CCM2: variants seen among roughly 807,000 people sequenced by gnomAD.
CCM2 encodes the protein cerebral cavernous malformations 2 protein.
Under a neutral mutation model 44.9 loss-of-function variants are expected in CCM2, and 25 were observed. That is an observed-to-expected ratio of 0.56 (90% CI 0.41 to 0.78). The LOEUF is 0.78. CCM2 is among the 30% of genes least tolerant of loss of function. The pLI, the probability that CCM2 is intolerant of heterozygous loss-of-function variation, is 0.00. For synonymous variants in CCM2, 219 were observed against 241.1 expected (o/e 0.91, Z 0.85); for missense variants, 481 against 580.6 (o/e 0.83, Z 1.76).
intron 1 of CCM2, among the ~76,000 whole-genome samples, chr7:45,034,647 T>C (rs1404978194): frequency 6.8e-6 from 1 of 147,268 alleles, no homozygotes; most frequent in East Asian, 2.1e-4. Flanking sequence ...GCCTCCCAAG[T>C]AGCTGGGATT....
Position 45,037,737 on chromosome 7 carries a change from C to G in CCM2, c.31-516C>G, listed in dbSNP as rs546424338. 1.9e-4 allele frequency among the ~76,000 whole-genome samples: 29 copies of G among 152,110 alleles called. No homozygotes were observed. The South Asian group carries it at 5.0e-3, about 26-fold the overall frequency. On this transcript the variant is annotated intron_variant, in intron 1 of 9. Transcript: ENST00000258781. ...CTGGCCTGGTTTCTCCCTTGTTGAT[C>G]TGCATTGGAGCTCAACACACTCAGT...
chr7:45,064,722 GT>G, intron 4 of CCM2, 76 bp downstream of exon 4: 1 of 1,521,824 alleles, frequency 6.6e-7, no homozygotes, highest in Non-Finnish European at 9.0e-7. Flanking sequence ...TCTGGAGACA[GT>G]TTTTGCAGCT....
chr7:45,008,353 G>A, intron 1 of CCM2, among the ~76,000 whole-genome samples: 1 of 119,282 alleles, frequency 8.4e-6, no homozygotes, highest in Non-Finnish European at 1.7e-5. Context: ...AAGGGTACAT[G>A]TTCTTTTTTT....
In CCM2 at chr7:45,034,423, G is replaced by A. The variant is rs561204636; in HGVS notation, c.31-3830G>A. 4.0e-5 allele frequency among the ~76,000 whole-genome samples: 6 copies of A among 151,502 alleles called. No individual in the cohort carries two copies. The South Asian group carries it at 1.3e-3, about 32-fold the overall frequency. On this transcript the variant is annotated intron_variant, in intron 1 of 9. Transcript: ENST00000258781. The stretch of plus-strand genomic sequence containing the variant: ...TGACGGGGTTTCACCATCTTGGCCA[G>A]GCTGGTCTCAAACTCTTGACCTCAA...
intron 1 of CCM2, among the ~76,000 whole-genome samples, chr7:45,001,897 G>T (rs1348388089): frequency 6.6e-6 from 1 of 152,170 alleles, no homozygotes. Context: ...TTTCTCACTA[G>T]AGGAGATAAT....
intron 1 of CCM2, among the ~76,000 whole-genome samples, chr7:45,030,263 G>A (rs1203560445): frequency 1.3e-5 from 2 of 152,182 alleles, no homozygotes; most frequent in East Asian, 3.8e-4. Context: ...ATTTAGTGGT[G>A]ATGAACAGGC....
chr7:45,064,724 T>C (rs1798690602), intron 4 of CCM2, 78 bp downstream of exon 4: 2 of 1,501,186 alleles, frequency 1.3e-6, no homozygotes, highest in Admixed American at 1.8e-5. Context: ...TGGAGACAGT[T>C]TTTGCAGCTT....
intron 1 of CCM2, among the ~76,000 whole-genome samples, chr7:45,000,611 C>T (rs1226768280): frequency 6.6e-6 from 1 of 152,188 alleles, no homozygotes; most frequent in Non-Finnish European, 1.5e-5. Flanking sequence ...CCCAGACGGC[C>T]TTCCCTGCGC....
intron 6 of CCM2, chr7:45,070,573 G>A: frequency 2.6e-6 from 1 of 381,514 alleles, no homozygotes; most frequent in Non-Finnish European, 5.4e-6. Context: ...GCTCACTTGA[G>A]TTAAGTCTTC....
rs35845924 is a variant in CCM2 at position 45,034,512 on chromosome 7, C to CTTTTTTTTT, written c.31-3726_31-3718dup. Among the ~76,000 whole-genome samples the CTTTTTTTTT allele has an allele frequency of 5.5e-4, 36 of 65,220 alleles. 1 individual carries two copies. The highest frequency in any genetic ancestry group is 7.3e-4 in the Non-Finnish European group (28 of 38,154). 42.8% of individuals were successfully genotyped at this position (65,220 alleles called of 152,430 possible). On this transcript the variant is annotated intron_variant, in intron 1 of 9. Coordinates refer to ENST00000258781, the MANE Select transcript of CCM2 (RefSeq NM_031443.4). The stretch of plus-strand genomic sequence containing the variant: ...ATAAGCATGTGCCACCATGCCTGGC[C>CTTTTTTTTT]TTTTTTTTTTTTTTTTTTTTTTTGA...
intron 1 of CCM2, among the ~76,000 whole-genome samples, chr7:45,000,706 G>A (rs540206485): frequency 1.3e-5 from 2 of 152,378 alleles, no homozygotes; most frequent in East Asian, 1.9e-4. Flanking sequence ...AGTGGGCTGT[G>A]TGGTTAACGT....
At position 45,037,421 on chromosome 7, in the gene CCM2, T is replaced by TTC. The variant is rs1386384900; in HGVS notation, c.31-831_31-830insCT. Among the ~76,000 whole-genome samples the TTC allele has an allele frequency of 1.6e-4, 23 of 144,588 alleles. No individual in the cohort carries two copies. In the South Asian group the frequency reaches 5.2e-3, roughly 33 times the overall value. 94.9% of individuals were successfully genotyped at this position (144,588 alleles called of 152,430 possible). Reference sequence around the variant, plus strand: ...CTGATCAGGGCTTCTCCCCCTACTTTTTTTTTTTTTTTTTTTTGAGACAGT... The same window carrying TTC: ...CTGATCAGGGCTTCTCCCCCTACTTTTCTTTTTTTTTTTTTTTTTGAGACAGT... On this transcript the variant is annotated intron_variant, in intron 1 of 9. Coordinates refer to ENST00000258781, the MANE Select transcript of CCM2 (RefSeq NM_031443.4).
chr7:45,011,641 T>A (rs1346935558), intron 1 of CCM2, among the ~76,000 whole-genome samples: 2 of 152,158 alleles, frequency 1.3e-5, no homozygotes, highest in African/African-American at 4.8e-5. Context: ...AACCTCTGCC[T>A]CCTGGTTTCA....
intron 1 of CCM2, among the ~76,000 whole-genome samples, chr7:45,023,806 T>TG (rs1562868320): frequency 2.3e-4 from 30 of 129,224 alleles, no homozygotes; most frequent in South Asian, 7.9e-4. Flanking sequence ...TTTTTTTTTT[T>TG]TTTTTTTTTT....
intron 1 of CCM2, among the ~76,000 whole-genome samples, chr7:45,033,978 C>A (rs1457209598): frequency 6.6e-6 from 1 of 152,136 alleles, no homozygotes; most frequent in Non-Finnish European, 1.5e-5. Flanking sequence ...GCTGACAAAT[C>A]ATAGGTGACC....
chr7:45,062,792 A>G (rs1583965408), intron 2 of CCM2, among the ~76,000 whole-genome samples: 1 of 148,698 alleles, frequency 6.7e-6, no homozygotes, highest in African/African-American at 2.5e-5. Flanking sequence ...ACGCCTCTGC[A>G]CCCCAGCCTG....
chr7:45,018,622 A>G (rs1485005523), intron 1 of CCM2, among the ~76,000 whole-genome samples: 1 of 152,126 alleles, frequency 6.6e-6, no homozygotes, highest in Non-Finnish European at 1.5e-5. Flanking sequence ...GAGCCTCCCA[A>G]GGCGTGAGCC....
At chr7:45,009,803 A>G (rs938205277) in intron 1 of CCM2, among the ~76,000 whole-genome samples, 3 of 152,176 alleles carry the variant, frequency 2.0e-5, no homozygotes, top group Non-Finnish European at 4.4e-5. Context: ...TAAATTGCAG[A>G]CATTGTTTCA....
At chr7:45,053,591 C>T (rs1393461646) in intron 2 of CCM2, among the ~76,000 whole-genome samples, 3 of 152,206 alleles carry the variant, frequency 2.0e-5, no homozygotes, top group African/African-American at 7.2e-5. Context: ...GACACCTACA[C>T]CTGCTCTGTG....
Sources: allele counts gnomAD v4.1 joint callset (sites outside exome capture counted in the v4.1 genomes callset), GRCh38; gene constraint gnomAD v4.1.1; transcripts MANE v1.5; gene names NCBI Gene and HGNC (gene_info 2026-07-23, HGNC 2026-07-21).